Variants in NFIA observed in about 807,000 individuals in gnomAD.
The protein encoded by NFIA is nuclear factor I A.
NFIA carries 8 observed loss-of-function variants against 62.8 expected under a neutral mutation model. The observed-to-expected ratio is 0.13, with a 90% CI of 0.07 to 0.23. The LOEUF (loss-of-function observed/expected upper bound fraction) is 0.23, where lower values mean the gene tolerates loss of function less well. Among genes scored for constraint, NFIA ranks in the 10% least tolerant of loss-of-function variants. The pLI is 1.00. For missense variants in NFIA, 410 were observed against 642.1 expected, an observed-to-expected ratio of 0.64 and a Z score of 3.91; for synonymous variants, 235 against 238.1, an observed-to-expected ratio of 0.99 and a Z score of 0.12.
chr1:61,225,457 GCCAGGATGGT>G (rs1275732806), intron 2 of NFIA, among the ~76,000 whole-genome samples: 1 of 151,644 alleles, frequency 6.6e-6, no homozygotes, highest in Non-Finnish European at 1.5e-5. Flanking sequence ...CACCATGTTG[GCCAGGATGGT>G]CTTGATCTCT....
chr1:61,392,007 G>A (rs1005759036), intron 7 of NFIA, among the ~76,000 whole-genome samples: 17 of 152,126 alleles, frequency 1.1e-4, no homozygotes, highest in Non-Finnish European at 2.1e-4. Flanking sequence ...CAAACATTAC[G>A]TTGCCTTTCT....
At chr1:61,324,732 C>A (rs1335925519) in intron 3 of NFIA, among the ~76,000 whole-genome samples, 3 of 152,146 alleles carry the variant, frequency 2.0e-5, no homozygotes, top group Non-Finnish European at 2.9e-5. Context: ...ATGTTCAGTT[C>A]CTCCATGAAA....
chr1:61,176,842 T>C (rs543953398), intron 2 of NFIA, among the ~76,000 whole-genome samples: 224 of 152,240 alleles, frequency 1.5e-3, no homozygotes, highest in African/African-American at 4.6e-3. Flanking sequence ...CGGTGGCTCA[T>C]ACCTGTAATC....
At chr1:61,422,838 C>T (rs1333576047) in intron 9 of NFIA, among the ~76,000 whole-genome samples, 2 of 151,984 alleles carry the variant, frequency 1.3e-5, no homozygotes, top group African/African-American at 4.8e-5. Flanking sequence ...CCCACAGTGC[C>T]CCTAGAGATA....
At chr1:61,233,589 A>T (rs537191213) in intron 2 of NFIA, among the ~76,000 whole-genome samples, 1 of 152,320 alleles carries the variant, frequency 6.6e-6, no homozygotes, top group African/African-American at 2.4e-5. Flanking sequence ...ATTTGAATTT[A>T]TAATTGGAGG....
intron 2 of NFIA, among the ~76,000 whole-genome samples, chr1:61,112,419 GTA>G (rs1435130059): frequency 2.6e-5 from 4 of 152,270 alleles, no homozygotes; most frequent in South Asian, 2.1e-4. Flanking sequence ...GTATGTGTGT[GTA>G]TATGTGTGCA....
chr1:61,395,352 C>T (rs11581697), intron 7 of NFIA, among the ~76,000 whole-genome samples: 34,277 of 149,872 alleles, frequency 0.23, 3,972 homozygotes, highest in South Asian at 0.29. Flanking sequence ...TTGGTCGTTA[C>T]GCAAGAAGCA....
chr1:61,180,175 C>A (rs941270185), intron 2 of NFIA, among the ~76,000 whole-genome samples: 1 of 152,150 alleles, frequency 6.6e-6, no homozygotes, highest in Non-Finnish European at 1.5e-5. Context: ...CATTCCTTCA[C>A]CCCACCCACC....
At chr1:61,451,290 A>AG (rs1668048485) in intron 10 of NFIA, among the ~76,000 whole-genome samples, 1 of 152,224 alleles carries the variant, frequency 6.6e-6, no homozygotes. Context: ...GAGAACTGTG[A>AG]GGGGAAAAAG....
chr1:61,179,774 G>A (rs1308042240), intron 2 of NFIA, among the ~76,000 whole-genome samples: 2 of 152,178 alleles, frequency 1.3e-5, no homozygotes, highest in Non-Finnish European at 2.9e-5. Flanking sequence ...CTTTGCACCA[G>A]GTGAGACTGT....
chr1:61,154,633 A>T (rs1648662454), intron 2 of NFIA, among the ~76,000 whole-genome samples: 1 of 152,034 alleles, frequency 6.6e-6, no homozygotes, highest in South Asian at 2.1e-4. Flanking sequence ...TTGTATTTTT[A>T]ATAGAGATGG....
intron 2 of NFIA, among the ~76,000 whole-genome samples, chr1:61,255,384 A>C (rs1323456954): frequency 1.3e-5 from 2 of 152,248 alleles, no homozygotes; most frequent in Non-Finnish European, 2.9e-5. Flanking sequence ...CTTGGTGTAA[A>C]ACCATGAGAA....
chr1:61,185,594 G>A (rs1412935169), intron 2 of NFIA, among the ~76,000 whole-genome samples: 1 of 149,854 alleles, frequency 6.7e-6, no homozygotes, highest in Non-Finnish European at 1.5e-5. Flanking sequence ...CAAAGACACT[G>A]CATGATCTGT....
chr1:61,286,424 T>G (rs1658501679), intron 3 of NFIA, among the ~76,000 whole-genome samples: 1 of 113,132 alleles, frequency 8.8e-6, no homozygotes, highest in Non-Finnish European at 1.8e-5. Context: ...CGAGACTCTG[T>G]CTCAAAAAAA....
At chr1:61,328,131 G>T in intron 3 of NFIA, among the ~76,000 whole-genome samples, 1 of 146,640 alleles carries the variant, frequency 6.8e-6, no homozygotes. Flanking sequence ...TGATTTATTT[G>T]AGTTCCTTGT....
intron 2 of NFIA, among the ~76,000 whole-genome samples, chr1:61,154,937 T>C (rs1411127451): frequency 6.6e-6 from 1 of 152,200 alleles, no homozygotes; most frequent in East Asian, 1.9e-4. Context: ...GAAGAGATAG[T>C]GTCTACATTG....
chr1:61,205,366 A>G (rs1372247711), intron 2 of NFIA, among the ~76,000 whole-genome samples: 1 of 152,138 alleles, frequency 6.6e-6, no homozygotes, highest in Non-Finnish European at 1.5e-5. Flanking sequence ...TTTCATCATA[A>G]CTCAATTGTC....
chr1:61,383,139 TTTTG>T lies in NFIA; in HGVS notation c.947-90_947-87del, dbSNP rs1449151397. The T allele has an allele frequency of 5.5e-6, 8 of 1,446,298 alleles. No individual in the cohort carries two copies. The Admixed American group carries it at 1.6e-4, about 29-fold the overall frequency. The allele number at this position is 1,446,298 out of a possible 1,614,324, so 89.6% of individuals were successfully genotyped here. ...TTTTCATTCACAGGTGGATTTCTCT[TTTTG>T]TTTGTTTTTAATTCTTTAAATGTTA... is the stretch of plus-strand genomic sequence containing the variant. On this transcript the variant is annotated intron_variant, in intron 6 of 10. Transcript: ENST00000403491.
rs1245684792 is a variant in NFIA, at chr1:61,116,981, A to C, written c.559+28301A>C. Among the ~76,000 whole-genome samples, 3 of 152,232 alleles carry C rather than the reference A, an allele frequency of 2.0e-5. No homozygotes were observed. The East Asian group carries it at 5.8e-4, about 29-fold the overall frequency. ...GCATGCCTTTTTTATGACAAGAAAT[A>C]CTTTTAAAATACTATTTGCTTTTGA... On this transcript the variant is annotated intron_variant, in intron 2 of 10. Transcript: ENST00000403491.
Sources: gnomAD v4.1 joint callset for allele counts (sites outside exome capture counted in the v4.1 genomes callset) on GRCh38, gnomAD v4.1.1 for gene constraint, MANE v1.5 for transcripts, NCBI Gene and HGNC (gene_info 2026-07-23, HGNC 2026-07-21) for gene names.